The following KCNH8 variants were observed in gnomAD, a reference collection of about 807,000 sequenced individuals.
The protein encoded by KCNH8 is potassium voltage-gated channel subfamily H member 8.
In KCNH8, 70 loss-of-function variants were observed where a neutral mutation model predicts 103.6. That is an observed-to-expected ratio of 0.68 (90% CI 0.56 to 0.82). KCNH8 has a LOEUF of 0.82. Ranked by LOEUF, KCNH8 falls within the 40% of genes least tolerant of loss-of-function variation. The pLI, the probability that KCNH8 is intolerant of heterozygous loss-of-function variation, is 0.00. For synonymous variants in KCNH8, 498 were observed against 489.4 expected (o/e 1.02, Z -0.23); for missense variants, 1,217 against 1,329.9 (o/e 0.92, Z 1.32).
chr3:19,395,452 C>T (rs1449110445), intron 7 of KCNH8, 141 bp downstream of exon 7: 2 of 581,804 alleles, frequency 3.4e-6, no homozygotes, highest in South Asian at 5.4e-5. Flanking sequence ...ATTTTTGAAT[C>T]CATGACACAA....
intron 1 of KCNH8, 22 bp downstream of exon 1, chr3:19,148,817 G>C: frequency 1.2e-6 from 2 of 1,601,692 alleles, no homozygotes; most frequent in South Asian, 2.2e-5. Context: ...ACTTGAACGA[G>C]TGGTATGGCA....
At chr3:19,428,669 C>T (rs892567649) in intron 7 of KCNH8, among the ~76,000 whole-genome samples, 1 of 152,152 alleles carries the variant, frequency 6.6e-6, no homozygotes, top group Non-Finnish European at 1.5e-5. Flanking sequence ...ATTGTGTTCT[C>T]CATTTTAGTG....
At chr3:19,166,269 A>C (rs145577294) in intron 1 of KCNH8, among the ~76,000 whole-genome samples, 10 of 152,308 alleles carry the variant, frequency 6.6e-5, no homozygotes, top group Middle Eastern at 3.4e-3. Context: ...TCACATACAC[A>C]TGCAGTTAAT....
Position 19,242,737 on chromosome 3 carries a change from A to G in KCNH8, c.77-10917A>G, listed in dbSNP as rs371156443. Reference sequence around the variant, plus strand: ...AATCTTGTTTAAAATGAAGGTCACCAGGTCCTATACCTTGGAGGTTCTGCT... The same window carrying G: ...AATCTTGTTTAAAATGAAGGTCACCGGGTCCTATACCTTGGAGGTTCTGCT... On this transcript the variant is annotated intron_variant, in intron 1 of 15. Transcript: ENST00000328405. 1.1e-4 allele frequency among the ~76,000 whole-genome samples: 16 copies of G among 152,286 alleles called. 2 individuals are homozygous for G. Among genetic ancestry groups the G allele is most frequent in the Admixed American group, 5.2e-4 (8 of 15,288 alleles).
chr3:19,170,146 A>G (rs1190898268), intron 1 of KCNH8, among the ~76,000 whole-genome samples: 1 of 152,198 alleles, frequency 6.6e-6, no homozygotes, highest in African/African-American at 2.4e-5. Context: ...AAATGGCATC[A>G]TTCACATTTT....
intron 5 of KCNH8, among the ~76,000 whole-genome samples, chr3:19,389,145 G>A (rs748641524): frequency 6.6e-6 from 1 of 152,104 alleles, no homozygotes; most frequent in Non-Finnish European, 1.5e-5. Flanking sequence ...TTTTATTGCT[G>A]CATAGCAAAC....
chr3:19,342,493 G>C (rs2065674069), intron 3 of KCNH8, 94 bp from the exon 4 acceptor site: 1 of 1,253,206 alleles, frequency 8.0e-7, no homozygotes, highest in African/African-American at 1.5e-5. Flanking sequence ...TGGAAAACAT[G>C]TACAATATGC....
intron 3 of KCNH8, among the ~76,000 whole-genome samples, chr3:19,307,482 A>C (rs1001517356): frequency 2.0e-5 from 3 of 151,998 alleles, no homozygotes; most frequent in Non-Finnish European, 4.4e-5. Context: ...ACAGTACGGA[A>C]GTTCTTCAAA....
intron 3 of KCNH8, among the ~76,000 whole-genome samples, chr3:19,298,879 G>T (rs779113683): frequency 7.0e-6 from 1 of 141,888 alleles, no homozygotes; most frequent in Non-Finnish European, 1.5e-5. Flanking sequence ...CCGAGATCGC[G>T]CCACTGCACT....
intron 15 of KCNH8, among the ~76,000 whole-genome samples, chr3:19,525,449 T>C (rs1045408211): frequency 2.6e-5 from 4 of 151,880 alleles, no homozygotes; most frequent in Admixed American, 2.6e-4. Context: ...GCAGACAAAC[T>C]TTCATTTGAT....
chr3:19,318,405 G>A (rs2065302973), intron 3 of KCNH8, among the ~76,000 whole-genome samples: 1 of 151,666 alleles, frequency 6.6e-6, no homozygotes, highest in Non-Finnish European at 1.5e-5. Flanking sequence ...TACCCAATGT[G>A]TAATCTTTTA....
chr3:19,181,460 G>A (rs1173797684), intron 1 of KCNH8, among the ~76,000 whole-genome samples: 2 of 152,050 alleles, frequency 1.3e-5, no homozygotes, highest in African/African-American at 4.8e-5. Flanking sequence ...ATAAATTAAT[G>A]ATATGTAAAT....
intron 1 of KCNH8, among the ~76,000 whole-genome samples, chr3:19,164,409 C>T (rs913518164): frequency 6.6e-6 from 1 of 152,180 alleles, no homozygotes; most frequent in African/African-American, 2.4e-5. Context: ...TAATGCTGTA[C>T]TTGATATTTT....
chr3:19,413,414 AAAACT>A (rs1199804660), intron 7 of KCNH8, among the ~76,000 whole-genome samples: 1 of 152,028 alleles, frequency 6.6e-6, no homozygotes, highest in Non-Finnish European at 1.5e-5. Context: ...CAAGAGTTGA[AAAACT>A]AACTGTTGGG....
At chr3:19,261,565 GT>G (rs1010940136) in intron 2 of KCNH8, among the ~76,000 whole-genome samples, 52 of 151,726 alleles carry the variant, frequency 3.4e-4, no homozygotes, top group African/African-American at 1.2e-3. Flanking sequence ...TTTGTTGACT[GT>G]TTCCCTTGCT....
intron 3 of KCNH8, among the ~76,000 whole-genome samples, chr3:19,341,239 A>C (rs894822931): frequency 6.6e-6 from 1 of 152,084 alleles, no homozygotes; most frequent in African/African-American, 2.4e-5. Context: ...ATACTGGTTA[A>C]ACTCCACCAT....
At chr3:19,385,848 T>C (rs190649941) in intron 5 of KCNH8, among the ~76,000 whole-genome samples, 46 of 152,280 alleles carry the variant, frequency 3.0e-4, no homozygotes, top group Non-Finnish European at 4.9e-4. Context: ...ATTAAATATC[T>C]CTCCGCCCAC....
At chr3:19,403,637 A>G (rs1355595232) in intron 7 of KCNH8, among the ~76,000 whole-genome samples, 1 of 151,560 alleles carries the variant, frequency 6.6e-6, no homozygotes, top group African/African-American at 2.4e-5. Context: ...GTAAAGTGTG[A>G]AATTTCAATG....
chr3:19,218,607 T>C (rs2063840077), intron 1 of KCNH8, among the ~76,000 whole-genome samples: 1 of 152,252 alleles, frequency 6.6e-6, no homozygotes, highest in South Asian at 2.1e-4. Flanking sequence ...CTCTCTGGCC[T>C]GATTGCCTAT....
Sources: allele counts gnomAD v4.1 joint callset (sites outside exome capture counted in the v4.1 genomes callset), GRCh38; gene constraint gnomAD v4.1.1; transcripts MANE v1.5; gene names NCBI Gene and HGNC (gene_info 2026-07-23, HGNC 2026-07-21).